PSD3: variants seen among roughly 807,000 people sequenced by gnomAD.
The protein encoded by PSD3 is PH and SEC7 domain-containing protein 3.
A neutral mutation model predicts 105.5 loss-of-function variants in PSD3; 49 were observed. The ratio of observed to expected loss-of-function variants is 0.46; its 90% CI spans 0.37 to 0.59. The LOEUF (loss-of-function observed/expected upper bound fraction) is 0.59. Among genes scored for constraint, PSD3 ranks in the 20% least tolerant of loss-of-function variants. The pLI is 0.00. For missense variants in PSD3, 1,561 were observed against 1,263.8 expected, an observed-to-expected ratio of 1.24 and a Z score of -3.57; for synonymous variants, 557 against 457.8, an observed-to-expected ratio of 1.22 and a Z score of -2.77.
At position 18,572,783 on chromosome 8, in the gene PSD3, T is replaced by C. The variant is rs1802222899; in HGVS notation, c.2640-111A>G. ...ATGGCATGTGAAAATCATTTACTCC[T>C]CCTGGTACAACTAATCCCTGACAAA... On this transcript the variant is annotated intron_variant, in intron 13 of 15. Transcript: ENST00000327040. 1.1e-5 allele frequency: 14 copies of C among 1,236,180 alleles called. No individual in the cohort carries two copies. In the South Asian group the frequency reaches 1.7e-4, roughly 15 times the overall value. The allele number at this position is 1,236,180 out of a possible 1,614,324, so 76.6% of individuals were successfully genotyped here.
At chr8:18,828,068 T>TATATATGTATATATATATATATATATA (rs1554515387) in intron 4 of PSD3, among the ~76,000 whole-genome samples, 1 of 83,304 alleles carries the variant, frequency 1.2e-5, no homozygotes, top group African/African-American at 5.7e-5. Context: ...TATATATATA[T>TATATATGTATATATATATATATATATA]TTTTTTTTTT....
rs1825329457 is a variant in PSD3 at position 18,983,195 on chromosome 8, G to T, written c.21+30368C>A. Reference sequence around the variant, plus strand: ...GCTAGCTTCCAATTTTTCTTCTGCAGCTTCCTTACCTCTACCTCTCTCAGC... The same window carrying T: ...GCTAGCTTCCAATTTTTCTTCTGCATCTTCCTTACCTCTACCTCTCTCAGC... On this transcript the variant is annotated intron_variant, in intron 1 of 15. Transcript: ENST00000327040. Among the ~76,000 whole-genome samples, 3 of 152,154 alleles carry T rather than the reference G, an allele frequency of 2.0e-5. No homozygotes were observed. The South Asian group carries it at 6.2e-4, about 32-fold the overall frequency.
At chr8:19,084,634 C>T (rs1829751719) in exon 1 of PSD3, 1 of 348,198 alleles carries the variant, frequency 2.9e-6, no homozygotes, top group Non-Finnish European at 5.7e-6. Context: ...CTGCAATCAC[C>T]ACCCCTGCTT....
chr8:19,051,856 G>C (rs947216468), intron 1 of PSD3, among the ~76,000 whole-genome samples: 3 of 152,192 alleles, frequency 2.0e-5, no homozygotes, highest in Admixed American at 1.3e-4. Flanking sequence ...ACAGTCTACA[G>C]GAGTAAGATC....
chr8:18,996,192 C>A (rs1292671129), intron 1 of PSD3, among the ~76,000 whole-genome samples: 9 of 151,476 alleles, frequency 5.9e-5, no homozygotes, highest in Non-Finnish European at 1.3e-4. Context: ...TTAATGCATG[C>A]AATGAACATT....
chr8:18,593,377 T>A (rs1458672617), intron 12 of PSD3, among the ~76,000 whole-genome samples: 3 of 152,194 alleles, frequency 2.0e-5, no homozygotes, highest in Non-Finnish European at 4.4e-5. Flanking sequence ...GAAAAAATGC[T>A]CATCATCACT....
intron 1 of PSD3, among the ~76,000 whole-genome samples, chr8:18,961,495 C>T (rs1188751639): frequency 6.6e-6 from 1 of 152,146 alleles, no homozygotes; most frequent in Non-Finnish European, 1.5e-5. Context: ...TCAAGACCAG[C>T]CTGGCCAACA....
intron 1 of PSD3, among the ~76,000 whole-genome samples, chr8:18,998,340 G>A (rs1826190291): frequency 6.6e-6 from 1 of 151,932 alleles, no homozygotes. Context: ...AACACTCCAA[G>A]GGTGCTAGGC....
intron 4 of PSD3, among the ~76,000 whole-genome samples, chr8:18,850,577 A>G (rs972829117): frequency 1.4e-4 from 22 of 152,194 alleles, no homozygotes; most frequent in South Asian, 8.3e-4. Flanking sequence ...CACTTGTCCT[A>G]TGTTTTCTAA....
intron 4 of PSD3, among the ~76,000 whole-genome samples, chr8:18,825,256 A>G (rs1022878934): frequency 1.3e-5 from 2 of 152,198 alleles, no homozygotes; most frequent in Non-Finnish European, 2.9e-5. Flanking sequence ...CAAATTTAGA[A>G]AACTACTGCA....
At chr8:18,788,207 T>C (rs549299123) in intron 8 of PSD3, among the ~76,000 whole-genome samples, 1 of 152,206 alleles carries the variant, frequency 6.6e-6, no homozygotes, top group Non-Finnish European at 1.5e-5. Flanking sequence ...ATGTATTCTA[T>C]TCTCCAAATG....
chr8:18,636,208 C>T (rs1807246206), intron 10 of PSD3, among the ~76,000 whole-genome samples: 1 of 151,988 alleles, frequency 6.6e-6, no homozygotes, highest in South Asian at 2.1e-4. Context: ...TATTTGTGTT[C>T]TAATTATTTT....
At chr8:18,874,213 G>A (rs1253331105) in intron 2 of PSD3, among the ~76,000 whole-genome samples, 1 of 152,080 alleles carries the variant, frequency 6.6e-6, no homozygotes, top group East Asian at 1.9e-4. Flanking sequence ...CCAGGCTGGA[G>A]TGTAGTGGTA....
chr8:18,886,960 T>A (rs1188805696), intron 2 of PSD3: 1 of 152,166 alleles, frequency 6.6e-6, no homozygotes, highest in African/African-American at 2.4e-5. Flanking sequence ...GTAGGGCGTT[T>A]TTATATTTGT....
At chr8:18,988,133 G>A (rs1236991456) in intron 1 of PSD3, among the ~76,000 whole-genome samples, 2 of 151,548 alleles carry the variant, frequency 1.3e-5, no homozygotes, top group African/African-American at 4.8e-5. Context: ...ATATACACAT[G>A]AATAAGTTAG....
intron 9 of PSD3, among the ~76,000 whole-genome samples, chr8:18,698,886 T>G (rs1209996882): frequency 1.3e-5 from 2 of 152,160 alleles, no homozygotes; most frequent in African/African-American, 2.4e-5. Flanking sequence ...AGTACTAGCT[T>G]TTTCTAGAAA....
chr8:18,539,023 T>C (rs192393386), intron 15 of PSD3, among the ~76,000 whole-genome samples: 64 of 152,310 alleles, frequency 4.2e-4, no homozygotes, highest in African/African-American at 1.3e-3. Flanking sequence ...AAAAGGCTTA[T>C]AGGGACACAG....
intron 2 of PSD3, among the ~76,000 whole-genome samples, chr8:18,876,322 T>A (rs998559399): frequency 4.6e-5 from 7 of 152,208 alleles, no homozygotes; most frequent in Non-Finnish European, 1.0e-4. Context: ...TTGGAGTTGT[T>A]TCAACTTGTT....
At chr8:18,786,582 T>C (rs890299208) in intron 8 of PSD3, among the ~76,000 whole-genome samples, 1 of 152,088 alleles carries the variant, frequency 6.6e-6, no homozygotes, top group East Asian at 1.9e-4. Context: ...TTAGGAAAAA[T>C]AGCAGTTAGG....
Sources: gnomAD v4.1 joint callset for allele counts (sites outside exome capture counted in the v4.1 genomes callset) on GRCh38, gnomAD v4.1.1 for gene constraint, MANE v1.5 for transcripts, NCBI Gene and HGNC (gene_info 2026-07-23, HGNC 2026-07-21) for gene names.